Variants in SCGB2B2 observed in about 807,000 individuals in gnomAD.
SCGB2B2 encodes secretoglobin-like protein.
SCGB2B2 carries 11 observed loss-of-function variants against 7.6 expected under a neutral mutation model. The ratio of observed to expected loss-of-function variants is 1.45; its 90% CI spans 0.91 to 2.40. SCGB2B2 has a LOEUF of 2.40. Ranked by LOEUF, SCGB2B2 falls within the 30% of genes most tolerant of loss-of-function variation. SCGB2B2 has a pLI of 0.00. For synonymous variants in SCGB2B2, 50 were observed against 48.6 expected (o/e 1.03, Z -0.12); for missense variants, 104 against 115.4 (o/e 0.90, Z 0.45).
chr19:34,588,674 T>A (rs1167223864), downstream of SCGB2B2, among the ~76,000 whole-genome samples: 1 of 152,196 alleles, frequency 6.6e-6, no homozygotes, highest in African/African-American at 2.4e-5. Flanking sequence ...CACTAGACTT[T>A]CTGCTGATGT....
rs1362898506 is a variant in SCGB2B2, at chr19:34,596,119, C to T, written c.-1556G>A. The T allele has an allele frequency of 2.0e-5, 3 of 152,390 alleles. No individual in the cohort carries two copies. Among genetic ancestry groups the T allele is most frequent in the East Asian group, 3.9e-4 (2 of 5,182 alleles). The allele number at this position is 152,390 out of a possible 1,614,324, so 9.4% of individuals were successfully genotyped here. On this transcript the variant is annotated 5_prime_UTR_variant, in exon 2 of 4. Coordinates refer to ENST00000601241, the MANE Select transcript of SCGB2B2 (RefSeq NM_001025591.4). ...CCCAGGACTTGGGCCTCTTAAAGGA[C>T]CTACCCAGCATTGGGTAGGACTTAG... is the stretch of plus-strand genomic sequence containing the variant.
intron 1 of SCGB2B2, among the ~76,000 whole-genome samples, chr19:34,658,810 CAACAAAAA>C (rs2067360375): frequency 1.6e-5 from 1 of 63,196 alleles, no homozygotes; most frequent in African/African-American, 6.3e-5. Context: ...ACAACAACAA[CAACAAAAA>C]AAAAAAAAAA....
intron 1 of SCGB2B2, among the ~76,000 whole-genome samples, chr19:34,628,891 T>C (rs1453768043): frequency 3.3e-5 from 5 of 151,872 alleles, no homozygotes; most frequent in African/African-American, 9.7e-5. Context: ...GCAAACCGAA[T>C]CCAGCAGCAC....
At chr19:34,603,402 G>A (rs1413701930) in intron 1 of SCGB2B2, among the ~76,000 whole-genome samples, 1 of 152,218 alleles carries the variant, frequency 6.6e-6, no homozygotes, top group Non-Finnish European at 1.5e-5. Flanking sequence ...ATTCAGGAAA[G>A]TCATTGCCTT....
intron 1 of SCGB2B2, among the ~76,000 whole-genome samples, chr19:34,607,894 T>C (rs1212612834): frequency 1.3e-5 from 2 of 152,228 alleles, no homozygotes; most frequent in Non-Finnish European, 2.9e-5. Context: ...TTTAGGTTAA[T>C]ACCTCCAGCT....
At chr19:34,617,329 C>G (rs879280374) in intron 1 of SCGB2B2, among the ~76,000 whole-genome samples, 26 of 151,292 alleles carry the variant, frequency 1.7e-4, no homozygotes, top group African/African-American at 4.6e-4. Flanking sequence ...ATGGAATGTT[C>G]TTCCATTTGT....
At chr19:34,631,399 T>C (rs1391602272) in intron 1 of SCGB2B2, among the ~76,000 whole-genome samples, 1 of 151,906 alleles carries the variant, frequency 6.6e-6, no homozygotes, top group Non-Finnish European at 1.5e-5. Flanking sequence ...CTTCTTCCAC[T>C]GTGGGCCAGG....
At chr19:34,669,055 GTAACAC>G (rs2067725964) in intron 1 of SCGB2B2, among the ~76,000 whole-genome samples, 1 of 152,114 alleles carries the variant, frequency 6.6e-6, no homozygotes, top group Admixed American at 6.5e-5. Context: ...TTTATGAGCT[GTAACAC>G]TCACCATGAA....
chr19:34,605,920 G>T (rs191047750), intron 1 of SCGB2B2, among the ~76,000 whole-genome samples: 1 of 152,020 alleles, frequency 6.6e-6, no homozygotes, highest in African/African-American at 2.4e-5. Flanking sequence ...AGGTATCAAT[G>T]TATCTTTATT....
At chr19:34,645,954 C>G in intron 1 of SCGB2B2, 1 of 293,520 alleles carries the variant, frequency 3.4e-6, no homozygotes, top group Non-Finnish European at 6.7e-6. Context: ...GGACCTGAAG[C>G]GGGAGCTTGC....
rs2067931275 is a variant in SCGB2B2, at chr19:34,676,049, C to CG, written c.-2452dup. The CG allele has an allele frequency of 6.6e-6, 1 of 152,198 alleles. No homozygotes were observed. Among genetic ancestry groups the CG allele is most frequent in the African/African-American group, 2.4e-5 (1 of 41,422 alleles). 9.4% of individuals were successfully genotyped at this position (152,198 alleles called of 1,614,324 possible). On this transcript the variant is annotated 5_prime_UTR_variant, in exon 1 of 4. It removes the in-frame stop codon of an upstream open reading frame in the 5' UTR. Transcript: ENST00000601241. ...CCCAGCGCGGTTGCCGCTGGTTGTT[C>CG]GGGTGGCCCGTTTTTATTCCCTTAT...
chr19:34,610,319 G>A (rs2065892638), intron 1 of SCGB2B2, among the ~76,000 whole-genome samples: 1 of 151,958 alleles, frequency 6.6e-6, no homozygotes, highest in Non-Finnish European at 1.5e-5. Context: ...TTGCCTAATT[G>A]CTCTGGCTAG....
At chr19:34,613,868 C>A (rs2066000411) in intron 1 of SCGB2B2, among the ~76,000 whole-genome samples, 1 of 152,162 alleles carries the variant, frequency 6.6e-6, no homozygotes, top group Non-Finnish European at 1.5e-5. Flanking sequence ...ATTACTCTCT[C>A]ATTTCTGAAG....
At chr19:34,621,119 AAT>A (rs1392799527) in intron 1 of SCGB2B2, among the ~76,000 whole-genome samples, 2 of 152,228 alleles carry the variant, frequency 1.3e-5, no homozygotes, top group African/African-American at 4.8e-5. Flanking sequence ...TCCTTCAAAA[AAT>A]ATTTTATCTA....
At chr19:34,655,379 C>A (rs866491240) in intron 1 of SCGB2B2, among the ~76,000 whole-genome samples, 1 of 151,230 alleles carries the variant, frequency 6.6e-6, no homozygotes, top group Non-Finnish European at 1.5e-5. Context: ...TCTCCACAAA[C>A]CCTTACCACA....
chr19:34,656,840 C>T (rs926060796), intron 1 of SCGB2B2, among the ~76,000 whole-genome samples: 1 of 150,948 alleles, frequency 6.6e-6, no homozygotes, highest in African/African-American at 2.5e-5. Flanking sequence ...AAAATGCTAT[C>T]AAGAGCAAAA....
In SCGB2B2 at chr19:34,594,275, C is replaced by A. The variant is rs142177025; in HGVS notation, c.146G>T (p.Arg49Leu). 4.6e-4 allele frequency: 741 copies of A among 1,614,108 alleles called. No homozygotes were observed. The highest frequency in any genetic ancestry group is 5.9e-4 in the Non-Finnish European group (702 of 1,179,964). ...SQDLLKEELA[R>L]YNPSPLTEES... is the part of the protein sequence containing the mutation. ...CTCTGTCAGGGGACTGGGGTTGTAACGAGCAAGCTCCTCCTTCAGGAGGTC... is the reference window on the plus strand; with the variant it reads ...CTCTGTCAGGGGACTGGGGTTGTAAAGAGCAAGCTCCTCCTTCAGGAGGTC... Residue 49 changes from arginine (R) to leucine (L), a missense_variant, in exon 3 of 4, where the codon CGT (arginine) becomes CTT (leucine). Physicochemically the swap from Arg to Leu is moderately radical, Grantham distance 102 (BLOSUM62 -2). Coordinates refer to ENST00000601241, the MANE Select transcript of SCGB2B2 (RefSeq NM_001025591.4).
chr19:34,645,515 GACACACACAGACACACACAGACACAGAC>G (rs1260375777), intron 1 of SCGB2B2: 42 of 34,764 alleles, frequency 1.2e-3, no homozygotes, highest in Non-Finnish European at 1.9e-3. Context: ...CAGACACACA[GACACACACAGACACACACAGACACAGAC>G]ACACACACAC....
chr19:34,600,988 C>G (rs1042450145), intron 1 of SCGB2B2, among the ~76,000 whole-genome samples: 3 of 151,372 alleles, frequency 2.0e-5, no homozygotes, highest in Non-Finnish European at 4.4e-5. Flanking sequence ...TAAAGATATT[C>G]TTTTACATAA....
Sources: allele counts gnomAD v4.1 joint callset (sites outside exome capture counted in the v4.1 genomes callset), GRCh38; gene constraint gnomAD v4.1.1; transcripts MANE v1.5; gene names NCBI Gene and HGNC (gene_info 2026-07-23, HGNC 2026-07-21).